The following NRCAM variants were observed in gnomAD, a reference collection of about 807,000 sequenced individuals.
The protein encoded by NRCAM is NgCAM-related cell adhesion molecule.
Under a neutral mutation model 156.5 loss-of-function variants are expected in NRCAM, and 83 were observed. That is an observed-to-expected ratio of 0.53 (90% CI 0.44 to 0.64). NRCAM has a LOEUF of 0.64. Among genes scored for constraint, NRCAM ranks in the 30% least tolerant of loss-of-function variants. The pLI, the probability that NRCAM is intolerant of heterozygous loss-of-function variation, is 0.00. For missense variants in NRCAM, 1,417 were observed against 1,597.3 expected (o/e 0.89, Z 1.92); for synonymous variants, 538 against 563.9 (o/e 0.95, Z 0.65).
chr7:108,165,155 T>C lies in NRCAM; in HGVS notation c.3466+1766A>G, dbSNP rs554620046. Among the ~76,000 whole-genome samples, 7 of 152,318 alleles carry C rather than the reference T, an allele frequency of 4.6e-5. No homozygotes were observed. The South Asian group carries it at 8.3e-4, about 18-fold the overall frequency. ...GCCTGCAGGGGTCCAGAATCACTGA[T>C]TGGATATACCAAGTGTTGACCGAAG... is the stretch of plus-strand genomic sequence containing the variant. On this transcript the variant is annotated intron_variant, in intron 30 of 32. Transcript: ENST00000379028.
At chr7:108,156,887 A>G (rs1040214704) in intron 32 of NRCAM, among the ~76,000 whole-genome samples, 2 of 152,144 alleles carry the variant, frequency 1.3e-5, no homozygotes, top group African/African-American at 4.8e-5. Flanking sequence ...AACAGTTGGA[A>G]CTGTTTTCAT....
chr7:108,212,359 A>C (rs1461239606), intron 11 of NRCAM, among the ~76,000 whole-genome samples: 1 of 152,206 alleles, frequency 6.6e-6, no homozygotes, highest in East Asian at 1.9e-4. Flanking sequence ...CCAAAGAATC[A>C]CACTAGCTCA....
intron 3 of NRCAM, among the ~76,000 whole-genome samples, chr7:108,299,303 A>G (rs370633891): frequency 4.6e-5 from 7 of 152,010 alleles, no homozygotes; most frequent in African/African-American, 1.7e-4. Context: ...AACGTGGCTC[A>G]AGTTCCTGGG....
At chr7:108,185,703 G>A (rs1587009396) in intron 20 of NRCAM, among the ~76,000 whole-genome samples, 1 of 136,180 alleles carries the variant, frequency 7.3e-6, no homozygotes, top group South Asian at 2.4e-4. Flanking sequence ...TGGACAGAGT[G>A]AAACCCTGTC....
At position 108,223,733 on chromosome 7, in the gene NRCAM, T is replaced by C; in HGVS notation, c.882A>G (p.Ala294=). The change falls in exon 11 of 33, where the codon GCA becomes GCG. Residue 294 remains alanine, a synonymous_variant. Transcript: ENST00000379028. ...RGNVLSLECI[A]EGLPTPIIYW... is the part of the protein sequence containing the mutation. ...AGAAAGTGTTAACTCACAGTCCTTCTGCAATGCACTCCAGTGAAAGCACAT... is the reference window on the plus strand; with the variant it reads ...AGAAAGTGTTAACTCACAGTCCTTCCGCAATGCACTCCAGTGAAAGCACAT... 1.3e-6 allele frequency: 2 copies of C among 1,523,102 alleles called. No individual in the cohort carries two copies. The highest frequency in any genetic ancestry group is 2.3e-5 in the East Asian group (1 of 44,348). The allele number at this position is 1,523,102 out of a possible 1,614,324, so 94.3% of individuals were successfully genotyped here. A position where few individuals can be genotyped will look rare whatever the true frequency, so the allele number is the denominator to read the frequency against.
intron 3 of NRCAM, among the ~76,000 whole-genome samples, chr7:108,255,020 G>T (rs1436705887): frequency 6.6e-6 from 1 of 152,134 alleles, no homozygotes; most frequent in Admixed American, 6.5e-5. Context: ...CCCATTAACG[G>T]ATGAAAGAAT....
chr7:108,313,836 A>G (rs543984971), intron 2 of NRCAM, among the ~76,000 whole-genome samples: 1 of 152,330 alleles, frequency 6.6e-6, no homozygotes, highest in Non-Finnish European at 1.5e-5. Flanking sequence ...GAGAGCATCT[A>G]TAAGAATTTT....
intron 3 of NRCAM, among the ~76,000 whole-genome samples, chr7:108,268,636 T>A (rs999529668): frequency 0.03 from 255 of 8,416 alleles, 7 homozygotes; most frequent in Non-Finnish European, 0.038. Flanking sequence ...GGGGGGGGGT[T>A]GGGGGGGGCG....
At chr7:108,373,269 T>C (rs1475684294) in intron 2 of NRCAM, among the ~76,000 whole-genome samples, 1 of 152,186 alleles carries the variant, frequency 6.6e-6, no homozygotes, top group Non-Finnish European at 1.5e-5. Context: ...TCTAGAGATC[T>C]GTCATATGCC....
At chr7:108,234,183 T>C (rs553977612) in intron 6 of NRCAM, among the ~76,000 whole-genome samples, 2 of 152,308 alleles carry the variant, frequency 1.3e-5, no homozygotes, top group South Asian at 4.1e-4. Context: ...TTATGGCCAT[T>C]AGTATCAAAA....
chr7:108,168,204 C>A, intron 29 of NRCAM, 73 bp downstream of exon 29: 1 of 1,383,060 alleles, frequency 7.2e-7, no homozygotes, highest in Admixed American at 2.8e-5. Flanking sequence ...ATAGTAAATT[C>A]TTAAGAATGT....
chr7:108,386,690 C>A (rs2099741775), intron 2 of NRCAM, among the ~76,000 whole-genome samples: 1 of 152,174 alleles, frequency 6.6e-6, no homozygotes, highest in South Asian at 2.1e-4. Flanking sequence ...TGAAAGAAGA[C>A]CTGTTGTTAT....
chr7:108,355,311 TAAGTTTAA>T (rs2099484856), intron 2 of NRCAM, among the ~76,000 whole-genome samples: 1 of 152,220 alleles, frequency 6.6e-6, no homozygotes, highest in Admixed American at 6.5e-5. Flanking sequence ...GTGAGGAGCA[TAAGTTTAA>T]AGAAGACGTG....
At chr7:108,227,093 G>T (rs1011743860) in intron 8 of NRCAM, among the ~76,000 whole-genome samples, 6 of 152,022 alleles carry the variant, frequency 3.9e-5, no homozygotes, top group African/African-American at 1.2e-4. Context: ...ATGACTTATT[G>T]CCTATTTCCT....
At chr7:108,338,354 G>T (rs1335372111) in intron 2 of NRCAM, among the ~76,000 whole-genome samples, 1 of 152,160 alleles carries the variant, frequency 6.6e-6, no homozygotes, top group Non-Finnish European at 1.5e-5. Context: ...ATTTCCTCTA[G>T]CAAGTTGTAT....
intron 3 of NRCAM, among the ~76,000 whole-genome samples, chr7:108,294,886 T>C (rs538403091): frequency 6.6e-6 from 1 of 152,314 alleles, no homozygotes; most frequent in Admixed American, 6.5e-5. Flanking sequence ...CCCATTCTTG[T>C]TCAGTTTCCT....
At chr7:108,378,054 A>C (rs1159504373) in intron 2 of NRCAM, among the ~76,000 whole-genome samples, 3 of 152,218 alleles carry the variant, frequency 2.0e-5, no homozygotes, top group Admixed American at 1.3e-4. Flanking sequence ...TCATACAGAT[A>C]AAGTCCCAAC....
chr7:108,367,008 T>C (rs1325408055), intron 2 of NRCAM, among the ~76,000 whole-genome samples: 1 of 152,204 alleles, frequency 6.6e-6, no homozygotes, highest in Non-Finnish European at 1.5e-5. Context: ...CTGAAATGAT[T>C]TTGAAGAGAG....
chr7:108,296,151 C>T (rs1168555636), intron 3 of NRCAM, among the ~76,000 whole-genome samples: 1 of 152,202 alleles, frequency 6.6e-6, no homozygotes, highest in East Asian at 1.9e-4. Context: ...ATGCCAACTA[C>T]TCAGAGAACC....
Sources: gnomAD v4.1 joint callset for allele counts (sites outside exome capture counted in the v4.1 genomes callset) on GRCh38, gnomAD v4.1.1 for gene constraint, MANE v1.5 for transcripts, NCBI Gene and HGNC (gene_info 2026-07-23, HGNC 2026-07-21) for gene names.